FAM135A: variants seen among roughly 807,000 people sequenced by gnomAD.
FAM135A encodes protein FAM135A.
In FAM135A, 79 loss-of-function variants were observed where a neutral mutation model predicts 146.8. The observed-to-expected ratio is 0.54, with a 90% CI of 0.45 to 0.65. The LOEUF is 0.65. Ranked by LOEUF, FAM135A falls within the 30% of genes least tolerant of loss-of-function variation. The pLI, the probability that FAM135A is intolerant of heterozygous loss-of-function variation, is 0.00. For missense variants in FAM135A, 1,623 were observed against 1,758.2 expected (o/e 0.92, Z 1.38); for synonymous variants, 562 against 603.6 (o/e 0.93, Z 1.01).
At chr6:70,442,467 GAGAT>G (rs1271100504) in intron 4 of FAM135A, among the ~76,000 whole-genome samples, 1 of 151,972 alleles carries the variant, frequency 6.6e-6, no homozygotes, top group East Asian at 1.9e-4. Flanking sequence ...CCACTATATT[GAGAT>G]AGATCTTGTT....
intron 1 of FAM135A, chr6:70,414,139 A>C: frequency 1.4e-6 from 1 of 698,114 alleles, no homozygotes; most frequent in Non-Finnish European, 1.8e-6. Context: ...CTTGGGAAGC[A>C]GCGTATCTCT....
chr6:70,542,331 C>CTTTTTGTATCACCTCATGTG (rs1562012812), intron 20 of FAM135A, among the ~76,000 whole-genome samples: 3 of 151,726 alleles, frequency 2.0e-5, no homozygotes, highest in African/African-American at 7.3e-5. Context: ...TTTTCTCATG[C>CTTTTTGTATCACCTCATGTG]TTTTTGTATC....
chr6:70,546,590 T>C (rs1798909074), intron 20 of FAM135A, among the ~76,000 whole-genome samples: 1 of 152,238 alleles, frequency 6.6e-6, no homozygotes, highest in African/African-American at 2.4e-5. Flanking sequence ...ATTTGTGTGT[T>C]TTGTAAAACA....
chr6:70,495,068 T>G lies in FAM135A; in HGVS notation c.873+3985T>G, dbSNP rs149945746. On this transcript the variant is annotated intron_variant, in intron 11 of 21. Transcript: ENST00000418814. ...TCTTAAAAGAGACATGAAAAACTTG[T>G]TAGCTTCATTTCTGCTACATTTATA... Among the ~76,000 whole-genome samples the G allele has an allele frequency of 1.9e-3, 282 of 152,334 alleles. 1 individual carries two copies. Among genetic ancestry groups the G allele is most frequent in the African/African-American group, 6.6e-3 (273 of 41,586 alleles).
At chr6:70,493,525 G>A (rs1483237841) in intron 11 of FAM135A, among the ~76,000 whole-genome samples, 1 of 152,026 alleles carries the variant, frequency 6.6e-6, no homozygotes, top group Non-Finnish European at 1.5e-5. Context: ...ATATTATAAT[G>A]CGTCTTGAGA....
chr6:70,543,095 T>C (rs2128454996), intron 20 of FAM135A, among the ~76,000 whole-genome samples: 1 of 152,330 alleles, frequency 6.6e-6, no homozygotes, highest in Non-Finnish European at 1.5e-5. Context: ...TGTACACCGA[T>C]TGAATTAACA....
chr6:70,548,720 T>C (rs1214832328), intron 20 of FAM135A, among the ~76,000 whole-genome samples: 1 of 146,724 alleles, frequency 6.8e-6, no homozygotes, highest in Non-Finnish European at 1.5e-5. Flanking sequence ...AAAATCTTAA[T>C]CAGTGGGAAA....
rs148549178 is a variant in FAM135A at position 70,431,148 on chromosome 6, A to G, written c.77+2729A>G. ...ATGCCACTTATTTTAAGTTTTTGTT[A>G]TGGCACACACCACTTCTAGGTATCG... On this transcript the variant is annotated intron_variant, in intron 4 of 21. Transcript: ENST00000418814. Among the ~76,000 whole-genome samples, 458 of 152,188 alleles carry G rather than the reference A, an allele frequency of 3.0e-3. 1 individual carries two copies. Among genetic ancestry groups the G allele is most frequent in the African/African-American group, 9.9e-3 (412 of 41,532 alleles).
In FAM135A at chr6:70,559,815, A is replaced by C; in HGVS notation, c.4442A>C (p.Asn1481Thr). 6.2e-7 allele frequency: 1 copy of C among 1,614,130 alleles called. No homozygotes were observed. The highest frequency in any genetic ancestry group is 8.5e-7 in the Non-Finnish European group (1 of 1,180,002). ...TATAATGTCATCAATGCATTGCCCA[A>C]TACAGCTGATTCACTCATTGGGAGA... Reference protein sequence around the residue: ...VRYNVINALPNTADSLIGRAA... With the variant: ...VRYNVINALPTTADSLIGRAA... Residue 1481 changes from asparagine (N) to threonine (T), a missense_variant, in exon 22 of 22, where the codon AAT becomes ACT. Transcript: ENST00000418814.
intron 4 of FAM135A, among the ~76,000 whole-genome samples, chr6:70,432,831 AC>A (rs1162490370): frequency 1.3e-5 from 2 of 151,712 alleles, no homozygotes; most frequent in East Asian, 3.9e-4. Context: ...CCTAAAATAC[AC>A]CTACAATTCA....
intron 10 of FAM135A, among the ~76,000 whole-genome samples, chr6:70,484,666 A>G (rs912649543): frequency 6.6e-6 from 1 of 152,150 alleles, no homozygotes; most frequent in African/African-American, 2.4e-5. Flanking sequence ...ACAGTTCGCA[A>G]TAGTGTTCAC....
chr6:70,452,643 T>C (rs1390632394), intron 5 of FAM135A, 72 bp downstream of exon 5: 1 of 1,123,990 alleles, frequency 8.9e-7, no homozygotes, highest in East Asian at 2.6e-5. Context: ...AGTTTTTTCA[T>C]TACAGATATA....
intron 4 of FAM135A, among the ~76,000 whole-genome samples, chr6:70,429,654 C>T (rs540643902): frequency 1.3e-5 from 2 of 152,210 alleles, no homozygotes; most frequent in African/African-American, 4.8e-5. Context: ...GAAGAGTTGA[C>T]ACTAGGGATT....
rs561749317 is a variant in FAM135A at position 70,481,054 on chromosome 6, T to C, written c.669+27T>C. Reference sequence around the variant, plus strand: ...TAAGAACTGAATATGTTTATAAATCTTCTCCTTATTTTAAAAGAAGTGTTT... The same window carrying C: ...TAAGAACTGAATATGTTTATAAATCCTCTCCTTATTTTAAAAGAAGTGTTT... On this transcript the variant is annotated intron_variant, in intron 9 of 21. Transcript: ENST00000418814. 47 of 1,519,512 alleles carry C rather than the reference T, an allele frequency of 3.1e-5. 1 individual carries two copies. In the South Asian group the frequency reaches 5.7e-4, roughly 18 times the overall value. 94.1% of individuals were successfully genotyped at this position (1,519,512 alleles called of 1,614,324 possible).
intron 20 of FAM135A, among the ~76,000 whole-genome samples, chr6:70,547,598 G>T (rs1185202349): frequency 6.6e-6 from 1 of 152,072 alleles, no homozygotes; most frequent in Non-Finnish European, 1.5e-5. Context: ...CCTTGGAGCA[G>T]AAAATCACCA....
chr6:70,443,383 G>A lies in FAM135A; in HGVS notation c.78-9109G>A, dbSNP rs573532996. On this transcript the variant is annotated intron_variant, in intron 4 of 21. Transcript: ENST00000418814. The stretch of plus-strand genomic sequence containing the variant: ...TTTAGATACACAGATACCTATTATC[G>A]TGTTATAATTGCCTGCAGTATGCAG... 1.4e-4 allele frequency among the ~76,000 whole-genome samples: 21 copies of A among 152,292 alleles called. No homozygotes were observed. The South Asian group carries it at 2.7e-3, about 20-fold the overall frequency.
At position 70,526,746 on chromosome 6, in the gene FAM135A, TATATACACACACACACACATACACAC is replaced by T. The variant is rs1561980543; in HGVS notation, c.3614+50_3614+75del. 58 of 1,102,158 alleles carry T rather than the reference TATATACACACACACACACATACACAC, an allele frequency of 5.3e-5. 1 individual carries two copies. Among genetic ancestry groups the T allele is most frequent in the Non-Finnish European group, 6.4e-5 (50 of 784,020 alleles). 68.3% of individuals were successfully genotyped at this position (1,102,158 alleles called of 1,614,324 possible). A position where few individuals can be genotyped will look rare whatever the true frequency, so the allele number is the denominator to read the frequency against. On this transcript the variant is annotated intron_variant, in intron 15 of 21. Transcript: ENST00000418814. ...ACCTGCTGCTAAATATATACATATA[TATATACACACACACACACATACACAC>T]ACACACACACACACACACACACACA...
chr6:70,450,085 G>T (rs1288016725), intron 4 of FAM135A, among the ~76,000 whole-genome samples: 2 of 152,088 alleles, frequency 1.3e-5, no homozygotes, highest in Non-Finnish European at 2.9e-5. Flanking sequence ...CATGCACTTT[G>T]CCCATTTTTT....
chr6:70,445,271 A>G (rs1354951212), intron 4 of FAM135A, among the ~76,000 whole-genome samples: 2 of 152,210 alleles, frequency 1.3e-5, no homozygotes, highest in Non-Finnish European at 2.9e-5. Flanking sequence ...AACAGAGACT[A>G]TGGCCCACAG....
Sources: gnomAD v4.1 joint callset for allele counts (sites outside exome capture counted in the v4.1 genomes callset) on GRCh38, gnomAD v4.1.1 for gene constraint, MANE v1.5 for transcripts, NCBI Gene and HGNC (gene_info 2026-07-23, HGNC 2026-07-21) for gene names.